Variants in ADGRL3 observed in about 807,000 individuals in gnomAD.
ADGRL3 encodes adhesion G protein-coupled receptor L3.
A neutral mutation model predicts 153.5 loss-of-function variants in ADGRL3; 62 were observed. The observed-to-expected ratio is 0.40, with a 90% CI of 0.33 to 0.50. ADGRL3 has a LOEUF of 0.50. Ranked by LOEUF, ADGRL3 falls within the 20% of genes least tolerant of loss-of-function variation. The pLI, the probability that ADGRL3 is intolerant of heterozygous loss-of-function variation, is 0.47. For synonymous variants in ADGRL3, 710 were observed against 672.5 expected (o/e 1.06, Z -0.86); for missense variants, 1,641 against 1,859.4 (o/e 0.88, Z 2.16).
intron 9 of ADGRL3, among the ~76,000 whole-genome samples, chr4:61,869,082 A>T (rs1424577320): frequency 6.6e-6 from 1 of 152,132 alleles, no homozygotes; most frequent in African/African-American, 2.4e-5. Context: ...AGCTGGGACT[A>T]CAGGCACACA....
intron 4 of ADGRL3, among the ~76,000 whole-genome samples, chr4:61,527,096 G>A (rs1333892821): frequency 6.6e-6 from 1 of 151,810 alleles, no homozygotes; most frequent in African/African-American, 2.4e-5. Flanking sequence ...TTTCTGCCAA[G>A]AAGTAAATAC....
intron 9 of ADGRL3, among the ~76,000 whole-genome samples, chr4:61,844,873 T>C (rs186979902): frequency 6.6e-6 from 1 of 152,118 alleles, no homozygotes; most frequent in East Asian, 1.9e-4. Context: ...TATGTCTCTC[T>C]AACACTGAAC....
chr4:61,712,640 G>A (rs4241639), intron 6 of ADGRL3, among the ~76,000 whole-genome samples: 107,820 of 152,070 alleles, frequency 0.71, 39,293 homozygotes, highest in East Asian at 0.94. Flanking sequence ...TTTTAAAATT[G>A]AAGTGTGTAA....
rs1214761049 is a variant in ADGRL3, at chr4:62,016,007, T to G, written c.3396-12848T>G. On this transcript the variant is annotated intron_variant, in intron 21 of 26. Transcript: ENST00000683033. ...AAACTAAGAATTTAAAATTTTATTT[T>G]TCCCTTCATTCCCTTTTATTTTCTT... Among the ~76,000 whole-genome samples the G allele has an allele frequency of 2.6e-5, 4 of 152,034 alleles. No homozygotes were observed. The East Asian group carries it at 7.7e-4, about 29-fold the overall frequency.
At chr4:61,811,456 A>G (rs1033987749) in intron 8 of ADGRL3, among the ~76,000 whole-genome samples, 2 of 152,130 alleles carry the variant, frequency 1.3e-5, no homozygotes, top group African/African-American at 4.8e-5. Context: ...CAGAAGGTAG[A>G]TGAGTGGCTG....
At chr4:61,380,409 G>A (rs947309572) in intron 1 of ADGRL3, among the ~76,000 whole-genome samples, 3 of 151,856 alleles carry the variant, frequency 2.0e-5, no homozygotes, top group African/African-American at 7.2e-5. Context: ...TCCATTTTAG[G>A]ATTAGAAAAT....
At chr4:61,399,556 A>C (rs534698629) in intron 2 of ADGRL3, among the ~76,000 whole-genome samples, 64 of 151,730 alleles carry the variant, frequency 4.2e-4, no homozygotes, top group African/African-American at 1.5e-3. Context: ...TTGTAAATAA[A>C]AGTAGAAGTT....
chr4:61,665,146 C>T (rs983634365), intron 5 of ADGRL3, among the ~76,000 whole-genome samples: 1 of 152,126 alleles, frequency 6.6e-6, no homozygotes. Context: ...CGCGGTGGCT[C>T]CCGCCTGTAA....
intron 5 of ADGRL3, among the ~76,000 whole-genome samples, chr4:61,597,785 G>A (rs898771830): frequency 1.3e-5 from 2 of 151,390 alleles, no homozygotes; most frequent in African/African-American, 4.9e-5. Flanking sequence ...ATATGTTATA[G>A]CTACATATTT....
At chr4:61,911,840 A>G (rs1230739777) in intron 12 of ADGRL3, among the ~76,000 whole-genome samples, 1 of 150,164 alleles carries the variant, frequency 6.7e-6, no homozygotes, top group Non-Finnish European at 1.5e-5. Context: ...CTACTGAGGA[A>G]AAAAAAAAAT....
chr4:61,368,361 G>A (rs1297440852), intron 1 of ADGRL3, among the ~76,000 whole-genome samples: 1 of 152,142 alleles, frequency 6.6e-6, no homozygotes, highest in African/African-American at 2.4e-5. Context: ...ATGGTTTTAG[G>A]TTTAACGTTT....
chr4:61,684,820 T>C (rs1271948278), intron 6 of ADGRL3, among the ~76,000 whole-genome samples: 3 of 152,120 alleles, frequency 2.0e-5, no homozygotes, highest in Non-Finnish European at 4.4e-5. Flanking sequence ...ACCTGAATAA[T>C]TTTAAATATT....
chr4:61,647,032 C>T (rs895204934), intron 5 of ADGRL3, among the ~76,000 whole-genome samples: 1 of 152,126 alleles, frequency 6.6e-6, no homozygotes, highest in Admixed American at 6.5e-5. Context: ...GGGAGTCACT[C>T]GATTTTCCAG....
At chr4:61,557,826 G>A (rs1403953715) in intron 4 of ADGRL3, among the ~76,000 whole-genome samples, 2 of 151,002 alleles carry the variant, frequency 1.3e-5, no homozygotes, top group African/African-American at 4.9e-5. Context: ...GGTTTTGTTT[G>A]TTTGTTTGTT....
At chr4:61,731,761 C>T (rs767331001) in intron 7 of ADGRL3, among the ~76,000 whole-genome samples, 24 of 152,074 alleles carry the variant, frequency 1.6e-4, no homozygotes, top group Non-Finnish European at 2.9e-4. Flanking sequence ...TAACATCTAG[C>T]TATGCCACTT....
At chr4:62,001,720 A>G (rs1290444012) in intron 21 of ADGRL3, among the ~76,000 whole-genome samples, 1 of 152,128 alleles carries the variant, frequency 6.6e-6, no homozygotes, top group Admixed American at 6.6e-5. Context: ...TGGTATAGTA[A>G]ATGTGAGAGT....
rs954499968 is a variant in ADGRL3 at position 61,507,327 on chromosome 4, T to C, written c.55+9979T>C. Reference sequence around the variant, plus strand: ...AGTTACAAAAGCTGGATTGTTGGAATAGCTGTGATAGCACAGATGTATTAG... The same window carrying C: ...AGTTACAAAAGCTGGATTGTTGGAACAGCTGTGATAGCACAGATGTATTAG... On this transcript the variant is annotated intron_variant, in intron 3 of 26. Coordinates refer to ENST00000683033, the MANE Select transcript of ADGRL3 (RefSeq NM_001387552.1). Among the ~76,000 whole-genome samples the C allele has an allele frequency of 2.0e-5, 3 of 152,202 alleles. No individual in the cohort carries two copies. The East Asian group carries it at 5.8e-4, about 29-fold the overall frequency.
At chr4:61,890,526 G>A (rs987944880) in intron 9 of ADGRL3, among the ~76,000 whole-genome samples, 1 of 152,180 alleles carries the variant, frequency 6.6e-6, no homozygotes. Context: ...TACAGTTGAG[G>A]GGGAGGGGCG....
chr4:61,946,199 C>G (rs1302904095), intron 15 of ADGRL3, among the ~76,000 whole-genome samples: 1 of 152,074 alleles, frequency 6.6e-6, no homozygotes, highest in Non-Finnish European at 1.5e-5. Flanking sequence ...TACGAGAGTT[C>G]CATTTCTTCC....
Sources: gnomAD v4.1 joint callset for allele counts (sites outside exome capture counted in the v4.1 genomes callset) on GRCh38, gnomAD v4.1.1 for gene constraint, MANE v1.5 for transcripts, NCBI Gene and HGNC (gene_info 2026-07-23, HGNC 2026-07-21) for gene names.